PSMD14: variants seen among roughly 807,000 people sequenced by gnomAD.
PSMD14 encodes ubiquitin C-terminal hydrolase PSMD14.
In PSMD14, 7 loss-of-function variants were observed where a neutral mutation model predicts 41.2. That is an observed-to-expected ratio of 0.17 (90% CI 0.10 to 0.32). The LOEUF is 0.32. Among genes scored for constraint, PSMD14 ranks in the 10% least tolerant of loss-of-function variants. The pLI is 1.00. For synonymous variants in PSMD14, 114 were observed against 122.3 expected (o/e 0.93, Z 0.45); for missense variants, 139 against 375.6 (o/e 0.37, Z 5.21).
chr2:161,344,869 T>C (rs930815264), intron 3 of PSMD14, among the ~76,000 whole-genome samples: 2 of 152,230 alleles, frequency 1.3e-5, no homozygotes, highest in African/African-American at 4.8e-5. Context: ...AGGGCGACCT[T>C]TGAAAAGGTT....
chr2:161,333,785 C>G (rs1418265562), intron 3 of PSMD14, among the ~76,000 whole-genome samples: 1 of 152,202 alleles, frequency 6.6e-6, no homozygotes, highest in African/African-American at 2.4e-5. Context: ...GTAATCCCAG[C>G]ACTTTGGGAG....
chr2:161,395,315 A>G, intron 10 of PSMD14, 112 bp downstream of exon 10: 1 of 1,090,008 alleles, frequency 9.2e-7, no homozygotes, highest in Non-Finnish European at 1.3e-6. Context: ...TAAATAAAAT[A>G]GTAAATATTT....
At chr2:161,335,575 T>C (rs1283931168) in intron 3 of PSMD14, among the ~76,000 whole-genome samples, 1 of 152,266 alleles carries the variant, frequency 6.6e-6, no homozygotes, top group Non-Finnish European at 1.5e-5. Context: ...AAGGATGGCT[T>C]GCTTTCCCAT....
chr2:161,368,030 A>T, intron 5 of PSMD14, 127 bp downstream of exon 5: 2 of 1,173,462 alleles, frequency 1.7e-6, no homozygotes, highest in South Asian at 3.6e-5. Flanking sequence ...CATAAGTTTG[A>T]TAGAAATTTT....
At chr2:161,391,721 A>G (rs1683714427) in intron 9 of PSMD14, among the ~76,000 whole-genome samples, 1 of 152,024 alleles carries the variant, frequency 6.6e-6, no homozygotes, top group Non-Finnish European at 1.5e-5. Context: ...CCTCCCGAGT[A>G]GCTGGGACTA....
chr2:161,341,555 T>G (rs1682961725), intron 3 of PSMD14, among the ~76,000 whole-genome samples: 5 of 151,664 alleles, frequency 3.3e-5, no homozygotes, highest in Admixed American at 6.6e-5. Context: ...TTATAAAAAT[T>G]TGGGCCGGGC....
At chr2:161,397,651 A>C (rs1350540162) in intron 10 of PSMD14, among the ~76,000 whole-genome samples, 1 of 152,188 alleles carries the variant, frequency 6.6e-6, no homozygotes, top group Admixed American at 6.5e-5. Flanking sequence ...TATTTTATCC[A>C]AGAGACAGTG....
At position 161,365,575 on chromosome 2, in the gene PSMD14, C is replaced by T. The variant is rs548564462; in HGVS notation, c.49-1903C>T. ...GTTGAGAAAGGCTGTGTCAAGATAC[C>T]AGTTTAACTTCTTTCTCCATATGCA... On this transcript the variant is annotated intron_variant, in intron 3 of 11. Coordinates refer to ENST00000409682, the MANE Select transcript of PSMD14 (RefSeq NM_005805.6). Among the ~76,000 whole-genome samples the T allele has an allele frequency of 1.1e-4, 16 of 152,012 alleles. No individual in the cohort carries two copies. In the South Asian group the frequency reaches 3.3e-3, roughly 32 times the overall value.
Position 161,367,564 on chromosome 2 carries a change from TAGTTAC to T in PSMD14, c.120+16_120+21del. The T allele has an allele frequency of 1.9e-6, 3 of 1,580,786 alleles. No individual in the cohort carries two copies. Among genetic ancestry groups the T allele is most frequent in the Non-Finnish European group, 2.6e-6 (3 of 1,160,124 alleles). On this transcript the variant is annotated intron_variant, in intron 4 of 11. Transcript: ENST00000409682. ...CACTGTTAAAAGTAGGTAATGAATG[TAGTTAC>T]TTGCTTTAGAGAACTCTGTTGCTTT...
chr2:161,330,592 C>G (rs891666969), intron 3 of PSMD14, among the ~76,000 whole-genome samples: 1 of 152,090 alleles, frequency 6.6e-6, no homozygotes, highest in African/African-American at 2.4e-5. Flanking sequence ...AAAACCCAAG[C>G]AGGTAGGACT....
At chr2:161,318,921 C>T (rs773915423) in intron 3 of PSMD14, 48 bp downstream of exon 3, 9 of 1,466,240 alleles carry the variant, frequency 6.1e-6, no homozygotes, top group Non-Finnish European at 8.5e-6. Context: ...AACTACAAGC[C>T]TTTTTGTAGT....
intron 10 of PSMD14, chr2:161,407,465 A>G (rs932921729): frequency 6.6e-6 from 1 of 152,084 alleles, no homozygotes; most frequent in Non-Finnish European, 1.5e-5. Context: ...CCTATTCACT[A>G]TCTTTTCTCT....
chr2:161,312,145 A>AT lies in PSMD14; in HGVS notation c.-138+3557dup, dbSNP rs112312143. On this transcript the variant is annotated intron_variant, in intron 1 of 11. Coordinates refer to ENST00000409682, the MANE Select transcript of PSMD14 (RefSeq NM_005805.6). ...GGATTGAGCATCAGTCTGAAAAGTA[A>AT]TTTTTTTTTTTTTTTTGAGATGGAG... Among the ~76,000 whole-genome samples, 605 of 142,460 alleles carry AT rather than the reference A, an allele frequency of 4.2e-3. 3 individuals carry two copies. Among genetic ancestry groups the AT allele is most frequent in the African/African-American group, 0.01 (400 of 39,042 alleles). 93.5% of individuals were successfully genotyped at this position (142,460 alleles called of 152,430 possible).
chr2:161,348,157 A>G (rs1683070469), intron 3 of PSMD14, among the ~76,000 whole-genome samples: 1 of 152,220 alleles, frequency 6.6e-6, no homozygotes, highest in Non-Finnish European at 1.5e-5. Context: ...CCTACAACCC[A>G]GCAAATCTTC....
intron 1 of PSMD14, among the ~76,000 whole-genome samples, chr2:161,312,170 G>A (rs1689095489): frequency 6.7e-6 from 1 of 149,710 alleles, no homozygotes; most frequent in Admixed American, 6.6e-5. Context: ...TTGAGATGGA[G>A]TATCGTTCTG....
chr2:161,349,595 G>A (rs1387098772), intron 3 of PSMD14, among the ~76,000 whole-genome samples: 1 of 152,206 alleles, frequency 6.6e-6, no homozygotes, highest in Non-Finnish European at 1.5e-5. Context: ...GATGTAGTCT[G>A]TGGAGCACTG....
intron 3 of PSMD14, 87 bp downstream of exon 3, chr2:161,318,960 G>A: frequency 9.9e-7 from 1 of 1,011,462 alleles, no homozygotes; most frequent in Non-Finnish European, 1.5e-6. Flanking sequence ...TTATCCCCAA[G>A]AAAATCACCT....
chr2:161,375,498 A>G (rs1429478137), intron 7 of PSMD14, among the ~76,000 whole-genome samples: 1 of 152,096 alleles, frequency 6.6e-6, no homozygotes, highest in Non-Finnish European at 1.5e-5. Flanking sequence ...CAAAGTAGAT[A>G]AAGCTTGGGC....
intron 7 of PSMD14, among the ~76,000 whole-genome samples, chr2:161,379,317 T>C (rs1683544263): frequency 6.6e-6 from 1 of 151,988 alleles, no homozygotes; most frequent in Non-Finnish European, 1.5e-5. Flanking sequence ...AGTTCAATTT[T>C]AAGCTCACTG....
Sources: allele counts gnomAD v4.1 joint callset (sites outside exome capture counted in the v4.1 genomes callset), GRCh38; gene constraint gnomAD v4.1.1; transcripts MANE v1.5; gene names NCBI Gene and HGNC (gene_info 2026-07-23, HGNC 2026-07-21).